KCNIP4: variants seen among roughly 807,000 people sequenced by gnomAD.
The protein encoded by KCNIP4 is Kv channel-interacting protein 4.
A neutral mutation model predicts 34.0 loss-of-function variants in KCNIP4; 12 were observed. That is an observed-to-expected ratio of 0.35 (90% CI 0.23 to 0.57). The LOEUF is 0.57. Ranked by LOEUF, KCNIP4 falls within the 20% of genes least tolerant of loss-of-function variation. The pLI, the probability that KCNIP4 is intolerant of heterozygous loss-of-function variation, is 0.83. For missense variants in KCNIP4, 238 were observed against 311.7 expected (o/e 0.76, Z 1.78); for synonymous variants, 124 against 102.2 (o/e 1.21, Z -1.29).
chr4:21,381,491 T>G (rs867363747), intron 1 of KCNIP4, among the ~76,000 whole-genome samples: 1 of 152,184 alleles, frequency 6.6e-6, no homozygotes, highest in African/African-American at 2.4e-5. Flanking sequence ...AGAAAAGATA[T>G]GTAGCATTAC....
At chr4:21,693,256 T>C (rs1449528608) in intron 1 of KCNIP4, among the ~76,000 whole-genome samples, 1 of 152,084 alleles carries the variant, frequency 6.6e-6, no homozygotes, top group Non-Finnish European at 1.5e-5. Context: ...AAATGTAGTA[T>C]AAAAAATATT....
chr4:21,909,569 A>G (rs1226207975), intron 1 of KCNIP4, among the ~76,000 whole-genome samples: 1 of 152,018 alleles, frequency 6.6e-6, no homozygotes, highest in East Asian at 1.9e-4. Context: ...TCGTGTGTTA[A>G]CTTCTTTATG....
intron 1 of KCNIP4, among the ~76,000 whole-genome samples, chr4:21,182,074 C>T (rs1754882763): frequency 6.6e-6 from 1 of 152,054 alleles, no homozygotes; most frequent in African/African-American, 2.4e-5. Flanking sequence ...TATAAGTGGA[C>T]ATTCAGACCA....
chr4:20,772,428 A>G (rs945755457), intron 3 of KCNIP4, among the ~76,000 whole-genome samples: 1 of 152,158 alleles, frequency 6.6e-6, no homozygotes, highest in African/African-American at 2.4e-5. Flanking sequence ...ACTGACATCA[A>G]TAAATATATT....
rs200160849 is a variant in KCNIP4, at chr4:21,028,169, T to TC, written c.62-145461dup. Reference sequence around the variant, plus strand: ...ATCCAGAACCTCACCATCTCTCCCCTCCCCCCCAATTGTCACTGTCCTGAT... The same window carrying TC: ...ATCCAGAACCTCACCATCTCTCCCCTCCCCCCCCAATTGTCACTGTCCTGAT... On this transcript the variant is annotated intron_variant, in intron 1 of 8. Transcript: ENST00000382152. Among the ~76,000 whole-genome samples the TC allele has an allele frequency of 8.1e-3, 1,223 of 151,550 alleles. 19 individuals carry two copies. The highest frequency in any genetic ancestry group is 0.028 in the African/African-American group (1,168 of 41,268).
intron 1 of KCNIP4, among the ~76,000 whole-genome samples, chr4:21,687,458 A>C (rs533590075): frequency 6.6e-6 from 1 of 152,182 alleles, no homozygotes; most frequent in African/African-American, 2.4e-5. Flanking sequence ...ACTTCCAATG[A>C]CTATGTAATG....
intron 1 of KCNIP4, among the ~76,000 whole-genome samples, chr4:21,155,891 T>G (rs1753113530): frequency 6.7e-6 from 1 of 148,276 alleles, no homozygotes; most frequent in Non-Finnish European, 1.5e-5. Flanking sequence ...CTCCCTTGCT[T>G]ATCTATCTAT....
At chr4:21,206,904 TA>T (rs1756887052) in intron 1 of KCNIP4, among the ~76,000 whole-genome samples, 1 of 152,234 alleles carries the variant, frequency 6.6e-6, no homozygotes, top group South Asian at 2.1e-4. Context: ...CCATTATAGC[TA>T]CATTCATTGT....
intron 1 of KCNIP4, among the ~76,000 whole-genome samples, chr4:21,132,960 C>T (rs1373693192): frequency 6.6e-6 from 1 of 151,190 alleles, no homozygotes; most frequent in Non-Finnish European, 1.5e-5. Context: ...TTGCAGTCAG[C>T]TGAGATGGTG....
At chr4:21,690,380 G>A (rs973547568) in intron 1 of KCNIP4, among the ~76,000 whole-genome samples, 2 of 152,116 alleles carry the variant, frequency 1.3e-5, no homozygotes, top group African/African-American at 4.8e-5. Context: ...TGTGATCCCA[G>A]TGTTGGAGGT....
In KCNIP4 at chr4:21,116,599, T is replaced by C. The variant is rs1268972004; in HGVS notation, c.62-233890A>G. ...TCTCTATTGACCTGTGCATTTTTGC[T>C]ACAAGTAGTTACTTCATCCTATATC... On this transcript the variant is annotated intron_variant, in intron 1 of 8. Coordinates refer to ENST00000382152, the MANE Select transcript of KCNIP4 (RefSeq NM_025221.6). Among the ~76,000 whole-genome samples, 5 of 152,230 alleles carry C rather than the reference T, an allele frequency of 3.3e-5. No homozygotes were observed. The South Asian group carries it at 6.2e-4, about 19-fold the overall frequency.
intron 1 of KCNIP4, among the ~76,000 whole-genome samples, chr4:21,194,162 G>GT (rs573206769): frequency 7.2e-5 from 11 of 152,100 alleles, no homozygotes; most frequent in Admixed American, 3.3e-4. Flanking sequence ...TACTTTAAAT[G>GT]TTTTTTTCCC....
At chr4:21,093,345 G>C (rs1286132465) in intron 1 of KCNIP4, among the ~76,000 whole-genome samples, 1 of 152,176 alleles carries the variant, frequency 6.6e-6, no homozygotes, top group Non-Finnish European at 1.5e-5. Flanking sequence ...TCGTATTCCA[G>C]TAATGAAAGC....
intron 1 of KCNIP4, among the ~76,000 whole-genome samples, chr4:21,575,937 C>T (rs1007652385): frequency 2.0e-5 from 3 of 152,144 alleles, no homozygotes; most frequent in African/African-American, 7.2e-5. Flanking sequence ...ATGATAGAGT[C>T]ATCAGATGGA....
chr4:20,947,507 C>T (rs1376184847), intron 1 of KCNIP4, among the ~76,000 whole-genome samples: 3 of 152,206 alleles, frequency 2.0e-5, no homozygotes, highest in Non-Finnish European at 4.4e-5. Context: ...ATCACTCGTT[C>T]TCAGCTAGAG....
intron 3 of KCNIP4, among the ~76,000 whole-genome samples, chr4:20,791,588 A>G (rs574704278): frequency 6.6e-6 from 1 of 152,314 alleles, no homozygotes; most frequent in East Asian, 1.9e-4. Context: ...ATATCATTTA[A>G]TGACAGACTG....
At chr4:21,914,950 G>C (rs1480740849) in intron 1 of KCNIP4, among the ~76,000 whole-genome samples, 2 of 152,014 alleles carry the variant, frequency 1.3e-5, no homozygotes, top group African/African-American at 2.4e-5. Context: ...AGTATGAAAG[G>C]TTCTTTTTTT....
intron 1 of KCNIP4, chr4:21,852,932 T>C (rs1211133657): frequency 1.3e-5 from 2 of 152,234 alleles, no homozygotes; most frequent in African/African-American, 4.8e-5. Flanking sequence ...CAGGTCATTG[T>C]TACTTAAGTG....
intron 1 of KCNIP4, among the ~76,000 whole-genome samples, chr4:20,890,361 G>A (rs1725799126): frequency 6.6e-6 from 1 of 151,970 alleles, no homozygotes; most frequent in African/African-American, 2.4e-5. Context: ...AATAGGACGG[G>A]GAAAGACATA....
Sources: allele counts gnomAD v4.1 joint callset (sites outside exome capture counted in the v4.1 genomes callset), GRCh38; gene constraint gnomAD v4.1.1; transcripts MANE v1.5; gene names NCBI Gene and HGNC (gene_info 2026-07-23, HGNC 2026-07-21).